KIR2DL1: variants seen among roughly 807,000 people sequenced by gnomAD.
KIR2DL1 encodes the protein killer cell immunoglobulin-like receptor 2DL1.
In KIR2DL1, 38 loss-of-function variants were observed where a neutral mutation model predicts 33.9. That is an observed-to-expected ratio of 1.12 (90% CI 0.86 to 1.47). The LOEUF (loss-of-function observed/expected upper bound fraction) is 1.47, where lower values mean the gene tolerates loss of function less well. Among genes scored for constraint, KIR2DL1 ranks in the 40% most tolerant of loss-of-function variants. KIR2DL1 has a pLI of 0.00. For missense variants in KIR2DL1, 531 were observed against 433.9 expected, an observed-to-expected ratio of 1.22 and a Z score of -1.99; for synonymous variants, 179 against 165.9, an observed-to-expected ratio of 1.08 and a Z score of -0.61.
chr19:54,770,714 G>T, intron 1 of KIR2DL1, 135 bp from the exon 2 acceptor site: 2 of 1,276,716 alleles, frequency 1.6e-6, no homozygotes, highest in Non-Finnish European at 2.3e-6. Flanking sequence ...GTTCTTGGGT[G>T]CAGGTAGGCA....
intron 2 of KIR2DL1, among the ~76,000 whole-genome samples, chr19:54,771,868 C>A (rs1301447118): frequency 1.4e-5 from 2 of 147,680 alleles, no homozygotes; most frequent in East Asian, 3.9e-4. Flanking sequence ...CGGCACCCAG[C>A]AACCCCCTGG....
chr19:54,773,522 T>A lies in KIR2DL1; in HGVS notation c.260T>A (p.Ile87Asn), dbSNP rs2075995844. The A allele has an allele frequency of 1.3e-6, 2 of 1,584,204 alleles. No individual in the cohort carries two copies. The highest frequency in any genetic ancestry group is 1.4e-5 in the African/African-American group (1 of 73,980). The change falls in exon 3 of 8, where the codon ATC (isoleucine) becomes AAC (asparagine). Residue 87 changes from isoleucine to asparagine, a missense_variant. By Grantham distance (149) the Ile-to-Asn change is moderately radical (BLOSUM62 -3). Transcript: ENST00000336077. ...GGGGTCTCCAAGGCCAACTTCTCCA[T>A]CAGTCGCATGACGCAAGACCTGGCA... is the stretch of plus-strand genomic sequence containing the variant. ...HDGVSKANFS[I>N]SRMTQDLAGT...
At chr19:54,781,786 C>A (rs1251237637) in intron 5 of KIR2DL1, among the ~76,000 whole-genome samples, 3 of 152,062 alleles carry the variant, frequency 2.0e-5, no homozygotes, top group South Asian at 2.1e-4. Flanking sequence ...CTTTTTTTAT[C>A]TTGATTTCAC....
At position 54,783,552 on chromosome 19, in the gene KIR2DL1, G is replaced by A. The variant is rs377017185; in HGVS notation, c.870+14G>A. 2.5e-5 allele frequency: 40 copies of A among 1,613,816 alleles called. No homozygotes were observed. Among genetic ancestry groups the A allele is most frequent in the African/African-American group, 2.7e-5 (2 of 74,976 alleles). On this transcript the variant is annotated intron_variant, in intron 7 of 7. Transcript: ENST00000336077. ...GCGAATAGCGAGGTAGGTACTCCTCGGCCCGGGCTCGTGGCTACTGTTATT... is the reference window on the plus strand; with the variant it reads ...GCGAATAGCGAGGTAGGTACTCCTCAGCCCGGGCTCGTGGCTACTGTTATT...
intron 2 of KIR2DL1, among the ~76,000 whole-genome samples, chr19:54,773,003 C>A (rs1486138703): frequency 4.0e-5 from 6 of 148,290 alleles, no homozygotes; most frequent in African/African-American, 9.8e-5. Flanking sequence ...CTGCTAAGAG[C>A]CTGGATGTGC....
rs781771274 is a variant in KIR2DL1, at chr19:54,783,543, G to A, written c.870+5G>A. 36 of 1,613,694 alleles carry A rather than the reference G, an allele frequency of 2.2e-5. No homozygotes were observed. The highest frequency in any genetic ancestry group is 3.3e-5 in the South Asian group (3 of 91,072). On this transcript the variant is annotated splice_donor_5th_base_variant and intron_variant, in intron 7 of 7. Transcript: ENST00000336077. ...AACAGAACAGCGAATAGCGAGGTAG[G>A]TACTCCTCGGCCCGGGCTCGTGGCT...
chr19:54,776,931 C>T (rs1212076015), intron 4 of KIR2DL1, among the ~76,000 whole-genome samples: 3 of 148,374 alleles, frequency 2.0e-5, no homozygotes, highest in Non-Finnish European at 3.0e-5. Flanking sequence ...CATGATCCAC[C>T]TCACCCAACC....
intron 4 of KIR2DL1, among the ~76,000 whole-genome samples, chr19:54,775,814 T>C (rs2076262039): frequency 6.7e-6 from 1 of 149,086 alleles, no homozygotes; most frequent in African/African-American, 2.4e-5. Flanking sequence ...AGAGATGTCA[T>C]CACCAGCAAC....
At position 54,782,922 on chromosome 19, in the gene KIR2DL1, G is replaced by A; in HGVS notation, c.716G>A (p.Gly239Asp). The change falls in exon 6 of 8, where the codon GGT (glycine) becomes GAT (aspartate). Residue 239 changes from glycine to aspartate, a missense_variant and splice_region_variant. By Grantham distance (94) the Gly-to-Asp change is moderately conservative. Transcript: ENST00000336077. ...TTATTGGTGTCTCATCTTCTTCCAG[G>A]TAACCCCCGACACCTGCACATTCTG... is the stretch of plus-strand genomic sequence containing the variant. ...PSPTEPSSKT[G>D]NPRHLHILIG... is the part of the protein sequence containing the mutation. The A allele has an allele frequency of 1.2e-6, 2 of 1,613,340 alleles. No homozygotes were observed. The highest frequency in any genetic ancestry group is 1.7e-6 in the Non-Finnish European group (2 of 1,179,632).
intron 4 of KIR2DL1, among the ~76,000 whole-genome samples, chr19:54,777,649 A>C (rs1216011724): frequency 2.7e-5 from 4 of 146,512 alleles, no homozygotes; most frequent in Non-Finnish European, 6.1e-5. Flanking sequence ...GTTTATTTTT[A>C]GCAGTGCTGA....
At chr19:54,774,792 A>C (rs1158910986) in intron 3 of KIR2DL1, among the ~76,000 whole-genome samples, 2 of 148,528 alleles carry the variant, frequency 1.3e-5, no homozygotes, top group Admixed American at 6.8e-5. Context: ...ATTTGTAGAT[A>C]GGCACCGAAT....
At chr19:54,777,078 A>AAG (rs1334395914) in intron 4 of KIR2DL1, among the ~76,000 whole-genome samples, 1 of 151,574 alleles carries the variant, frequency 6.6e-6, no homozygotes, top group Non-Finnish European at 1.5e-5. Flanking sequence ...TTGCAGCTAA[A>AAG]AGCCATTTTA....
intron 2 of KIR2DL1, among the ~76,000 whole-genome samples, chr19:54,772,948 C>T (rs1289261079): frequency 6.8e-6 from 1 of 147,462 alleles, no homozygotes; most frequent in Non-Finnish European, 1.5e-5. Context: ...TCAGTTCATA[C>T]CTCCTGCCAA....
intron 5 of KIR2DL1, chr19:54,779,972 C>T: frequency 2.6e-6 from 1 of 379,474 alleles, no homozygotes; most frequent in Non-Finnish European, 4.9e-6. Flanking sequence ...GATCTTGGCT[C>T]ACTGCAACCT....
In KIR2DL1 at chr19:54,782,289, AG is replaced by A. The variant is rs1213731500; in HGVS notation, c.716-631del. Among the ~76,000 whole-genome samples the A allele has an allele frequency of 1.0e-3, 153 of 151,914 alleles. 1 individual carries two copies. The highest frequency in any genetic ancestry group is 3.2e-3 in the Middle Eastern group (1 of 316). On this transcript the variant is annotated intron_variant, in intron 5 of 7. Transcript: ENST00000336077. ...CCTGATCTCAGGAAGTTGCTGTCTT[AG>A]GCCATTTTTGTTGCTCTAAAGGAAC...
intron 2 of KIR2DL1, among the ~76,000 whole-genome samples, chr19:54,772,218 C>G (rs535021444): frequency 6.8e-6 from 1 of 147,340 alleles, no homozygotes; most frequent in East Asian, 2.0e-4. Flanking sequence ...CACAGGGGTC[C>G]ACATGAAAGG....
chr19:54,773,620 A>G lies in KIR2DL1; in HGVS notation c.358A>G (p.Ile120Val), dbSNP rs138345877. ...GTCAGCTCCCAGTGACCCTCTGGAC[A>G]TCGTGATCATAGGTGAGAGTGTCCA... Reference protein sequence around the residue: ...QVSAPSDPLDIVIIGLYEKPS... With the variant: ...QVSAPSDPLDVVIIGLYEKPS... Residue 120 changes from isoleucine to valine, a missense_variant, in exon 3 of 8, where the codon ATC (isoleucine) becomes GTC (valine). Coordinates refer to ENST00000336077, the MANE Select transcript of KIR2DL1 (RefSeq NM_014218.3). 16,710 of 1,570,346 alleles carry G rather than the reference A, an allele frequency of 0.011. 209 individuals are homozygous for G. Among genetic ancestry groups the G allele is most frequent in the Middle Eastern group, 0.064 (374 of 5,870 alleles).
At chr19:54,776,237 T>TTA (rs58651549) in intron 4 of KIR2DL1, among the ~76,000 whole-genome samples, 4,448 of 141,252 alleles carry the variant, frequency 0.031, 416 homozygotes, top group African/African-American at 0.1. Flanking sequence ...AAATACATTT[T>TTA]TATATATATA....
intron 5 of KIR2DL1, chr19:54,780,243 T>C (rs1007643868): frequency 1.3e-5 from 6 of 453,216 alleles, no homozygotes; most frequent in Non-Finnish European, 1.6e-5. Flanking sequence ...GAGTGTATGA[T>C]TTCAGGTGAC....
Sources: allele counts gnomAD v4.1 joint callset (sites outside exome capture counted in the v4.1 genomes callset), GRCh38; gene constraint gnomAD v4.1.1; transcripts MANE v1.5; gene names NCBI Gene and HGNC (gene_info 2026-07-23, HGNC 2026-07-21).